ANK3: variants seen among roughly 807,000 people sequenced by gnomAD.
ANK3 encodes ankyrin-3.
In ANK3, 57 loss-of-function variants were observed where a neutral mutation model predicts 370.9. The observed-to-expected ratio is 0.15, with a 90% confidence interval of 0.12 to 0.19. ANK3 has a LOEUF of 0.19. Among genes scored for constraint, ANK3 ranks in the 10% least tolerant of loss-of-function variants. ANK3 has a pLI of 1.00. For synonymous variants in ANK3, 1,929 were observed against 1,946.3 expected, an observed-to-expected ratio of 0.99 and a Z score of 0.23; for missense variants, 4,439 against 5,302.1, an observed-to-expected ratio of 0.84 and a Z score of 5.06.
chr10:60,631,075 G>A (rs1053051165), intron 1 of ANK3, among the ~76,000 whole-genome samples: 1 of 152,096 alleles, frequency 6.6e-6, no homozygotes, highest in Non-Finnish European at 1.5e-5. Flanking sequence ...AGAACAACTG[G>A]GTGGCTGATG....
rs115957097 is a variant in ANK3 at position 60,220,438 on chromosome 10, G to A, written c.898-6928C>T. On this transcript the variant is annotated intron_variant, in intron 8 of 43. Coordinates refer to ENST00000280772, the MANE Select transcript of ANK3 (RefSeq NM_020987.5). ...GCCTCATTCTGCCCTCCTCCTTTTCGGAATTACTGATAGAACAGACTCTTT... is the reference window on the plus strand; with the variant it reads ...GCCTCATTCTGCCCTCCTCCTTTTCAGAATTACTGATAGAACAGACTCTTT... Among the ~76,000 whole-genome samples the A allele has an allele frequency of 2.3e-3, 347 of 152,116 alleles. 1 individual carries two copies. Among genetic ancestry groups the A allele is most frequent in the African/African-American group, 8.0e-3 (331 of 41,502 alleles).
intron 33 of ANK3, among the ~76,000 whole-genome samples, chr10:60,083,149 G>A (rs527288986): frequency 6.6e-6 from 1 of 152,272 alleles, no homozygotes; most frequent in South Asian, 2.1e-4. Context: ...CACCAGAAAT[G>A]AAAATGAAAC....
Position 60,279,262 on chromosome 10 carries a change from A to C in ANK3, c.217-114T>G, listed in dbSNP as rs539820411. 27 of 906,246 alleles carry C rather than the reference A, an allele frequency of 3.0e-5. No homozygotes were observed. The South Asian group carries it at 3.8e-4, about 13-fold the overall frequency. 56.1% of individuals were successfully genotyped at this position (906,246 alleles called of 1,614,324 possible). A position where few individuals can be genotyped will look rare whatever the true frequency, so the allele number is the denominator to read the frequency against. ...TCCCACCTGATGATCACTTGCATGT[A>C]TGCTGTGCAGGAACTTGAATCTTGA... is the stretch of plus-strand genomic sequence containing the variant. On this transcript the variant is annotated intron_variant, in intron 2 of 43. Coordinates refer to ENST00000280772, the MANE Select transcript of ANK3 (RefSeq NM_020987.5).
intron 1 of ANK3, among the ~76,000 whole-genome samples, chr10:60,351,224 T>A (rs2056798066): frequency 6.6e-6 from 1 of 152,184 alleles, no homozygotes; most frequent in African/African-American, 2.4e-5. Context: ...ACCACAAGCA[T>A]TTAAATAGAG....
At chr10:60,306,455 CTA>C (rs1566443790) in intron 1 of ANK3, among the ~76,000 whole-genome samples, 6 of 16,894 alleles carry the variant, frequency 3.6e-4, no homozygotes, top group Admixed American at 9.5e-4. Flanking sequence ...ATATATATAT[CTA>C]TCTTTATCCA....
At chr10:60,197,821 T>C (rs951887351) in intron 14 of ANK3, among the ~76,000 whole-genome samples, 4 of 152,190 alleles carry the variant, frequency 2.6e-5, no homozygotes, top group Non-Finnish European at 5.9e-5. Flanking sequence ...GCAGAACAAC[T>C]GTTTATGTTA....
chr10:60,506,840 T>A (rs946948159), intron 2 of ANK3, among the ~76,000 whole-genome samples: 3 of 152,068 alleles, frequency 2.0e-5, no homozygotes, highest in African/African-American at 7.2e-5. Context: ...AGTTCTTACA[T>A]CCAAATTTTT....
At chr10:60,128,283 G>A (rs1471571703) in intron 25 of ANK3, among the ~76,000 whole-genome samples, 1 of 152,056 alleles carries the variant, frequency 6.6e-6, no homozygotes, top group Non-Finnish European at 1.5e-5. Context: ...ATAAAATGAG[G>A]CAATCTGGAG....
chr10:60,618,546 T>A (rs2078294389), intron 1 of ANK3, among the ~76,000 whole-genome samples: 2 of 151,270 alleles, frequency 1.3e-5, no homozygotes, highest in African/African-American at 2.4e-5. Flanking sequence ...CAGAAAAGAG[T>A]AGGACTTTGA....
chr10:60,637,977 A>T (rs1466912178), intron 1 of ANK3, among the ~76,000 whole-genome samples: 1 of 152,156 alleles, frequency 6.6e-6, no homozygotes, highest in African/African-American at 2.4e-5. Context: ...GTTGGCCCCA[A>T]CTTTCTGAGA....
intron 3 of ANK3, 47 bp downstream of exon 3, chr10:60,279,003 C>A: frequency 6.3e-7 from 1 of 1,591,812 alleles, no homozygotes; most frequent in South Asian, 1.1e-5. Flanking sequence ...TGAATCCTCA[C>A]AGAACATGGC....
intron 16 of ANK3, among the ~76,000 whole-genome samples, chr10:60,190,351 C>G (rs1244078707): frequency 1.3e-5 from 2 of 152,144 alleles, no homozygotes; most frequent in Non-Finnish European, 2.9e-5. Flanking sequence ...TTCAGGAATG[C>G]CTGAGCTTCC....
intron 43 of ANK3, among the ~76,000 whole-genome samples, chr10:60,035,094 A>G (rs1728802939): frequency 6.6e-6 from 1 of 152,096 alleles, no homozygotes; most frequent in African/African-American, 2.4e-5. Flanking sequence ...ATAAAATTTT[A>G]TTACTGTTAT....
At chr10:60,323,128 C>A (rs72822281) in intron 1 of ANK3, among the ~76,000 whole-genome samples, 41 of 152,086 alleles carry the variant, frequency 2.7e-4, no homozygotes, top group Non-Finnish European at 4.4e-5. Context: ...GGGTAAGAAA[C>A]GGACTCCAGT....
At chr10:60,220,419 T>C (rs914274792) in intron 8 of ANK3, among the ~76,000 whole-genome samples, 1 of 152,188 alleles carries the variant, frequency 6.6e-6, no homozygotes, top group Non-Finnish European at 1.5e-5. Context: ...GCATGCCTCA[T>C]TCTGCCCTCC....
intron 11 of ANK3, among the ~76,000 whole-genome samples, chr10:60,203,674 T>C (rs879039949): frequency 3.3e-5 from 5 of 152,228 alleles, no homozygotes; most frequent in Admixed American, 3.3e-4. Context: ...GCAATCTAAA[T>C]AAAGCAAATA....
chr10:60,118,744 T>A (rs59357576), intron 25 of ANK3, among the ~76,000 whole-genome samples: 7 of 152,260 alleles, frequency 4.6e-5, no homozygotes, highest in South Asian at 2.1e-4. Flanking sequence ...TTCATTTTTT[T>A]AAAAAAAGTT....
At chr10:60,264,599 T>C (rs536155835) in intron 5 of ANK3, among the ~76,000 whole-genome samples, 1 of 147,300 alleles carries the variant, frequency 6.8e-6, no homozygotes, top group African/African-American at 2.5e-5. Context: ...GCCAAGACCA[T>C]GCCATTTCAC....
chr10:60,054,979 T>C (rs1205582306), intron 42 of ANK3, among the ~76,000 whole-genome samples: 1 of 152,188 alleles, frequency 6.6e-6, no homozygotes, highest in African/African-American at 2.4e-5. Flanking sequence ...GAAAAAAATC[T>C]ATTAGATTGT....
Sources: allele counts gnomAD v4.1 joint callset (sites outside exome capture counted in the v4.1 genomes callset), GRCh38; gene constraint gnomAD v4.1.1; transcripts MANE v1.5; gene names NCBI Gene and HGNC (gene_info 2026-07-23, HGNC 2026-07-21).